SGPL1: variants seen among roughly 807,000 people sequenced by gnomAD.
SGPL1 encodes the protein SP-lyase 1.
A neutral mutation model predicts 68.9 loss-of-function variants in SGPL1; 37 were observed. The ratio of observed to expected loss-of-function variants is 0.54; its 90% CI spans 0.41 to 0.71. The LOEUF is 0.71. SGPL1 is among the 30% of genes least tolerant of loss of function. The pLI is 0.00. For synonymous variants in SGPL1, 236 were observed against 248.5 expected (o/e 0.95, Z 0.47); for missense variants, 551 against 704.6 (o/e 0.78, Z 2.47).
rs1439459214 is a variant in SGPL1 at position 70,879,244 on chromosome 10, G to C, written c.*1909G>C. On this transcript the variant is annotated 3_prime_UTR_variant, in exon 15 of 15. Coordinates refer to ENST00000373202, the MANE Select transcript of SGPL1 (RefSeq NM_003901.4). The stretch of plus-strand genomic sequence containing the variant: ...TCTAGTTTCCCCCACTGGGAATGCT[G>C]GCTGGGAGAGCCATGACTACCAGAC... 6.5e-6 allele frequency: 1 copy of C among 152,778 alleles called. No homozygotes were observed. The highest frequency in any genetic ancestry group is 1.5e-5 in the Non-Finnish European group (1 of 68,132). The allele number at this position is 152,778 out of a possible 1,614,324, so 9.5% of individuals were successfully genotyped here. A position where few individuals can be genotyped will look rare whatever the true frequency, so the allele number is the denominator to read the frequency against.
At chr10:70,839,263 T>C (rs961334197) in intron 2 of SGPL1, among the ~76,000 whole-genome samples, 8 of 151,538 alleles carry the variant, frequency 5.3e-5, no homozygotes, top group African/African-American at 1.9e-4. Context: ...ATTATGAATA[T>C]TCCTACTACT....
chr10:70,854,842 G>A lies in SGPL1; in HGVS notation c.396G>A (p.Glu132=), dbSNP rs1254659330. 1.9e-5 allele frequency: 31 copies of A among 1,610,190 alleles called. No homozygotes were observed. Among genetic ancestry groups the A allele is most frequent in the Non-Finnish European group, 2.4e-5 (28 of 1,178,500 alleles). ...CTGCTGTTTTGGAGAAACTTAAGGA[G>A]TACAGCTCTATGGGTATGATGCTTG... ...SSSAVLEKLK[E]YSSMDAFWQE... is the part of the protein sequence containing the mutation. The change falls in exon 5 of 15, where the codon GAG becomes GAA. Residue 132 remains glutamate (E), a synonymous_variant. Coordinates refer to ENST00000373202, the MANE Select transcript of SGPL1 (RefSeq NM_003901.4).
chr10:70,868,503 G>C, intron 8 of SGPL1, 70 bp downstream of exon 8: 13 of 1,255,346 alleles, frequency 1.0e-5, no homozygotes, highest in Non-Finnish European at 1.5e-5. Context: ...TGAAACTAAA[G>C]CAGATAATCC....
intron 3 of SGPL1, among the ~76,000 whole-genome samples, chr10:70,848,132 C>T (rs758485289): frequency 6.6e-6 from 1 of 152,172 alleles, no homozygotes; most frequent in Non-Finnish European, 1.5e-5. Flanking sequence ...ATGATAAACT[C>T]TCAGTTTCTT....
rs576321505 is a variant in SGPL1, at chr10:70,848,521, G to A, written c.194-2622G>A. On this transcript the variant is annotated intron_variant, in intron 3 of 14. Coordinates refer to ENST00000373202, the MANE Select transcript of SGPL1 (RefSeq NM_003901.4). Reference sequence around the variant, plus strand: ...GCTCTGTCACCCAGGCTGGAGTGCAGTGGCACGATCTCGGCTCACTGCAAC... The same window carrying A: ...GCTCTGTCACCCAGGCTGGAGTGCAATGGCACGATCTCGGCTCACTGCAAC... Among the ~76,000 whole-genome samples the A allele has an allele frequency of 3.8e-5, 5 of 130,504 alleles. No individual in the cohort carries two copies. In the South Asian group the frequency reaches 1.0e-3, roughly 26 times the overall value. The allele number at this position is 130,504 out of a possible 152,430, so 85.6% of individuals were successfully genotyped here.
chr10:70,816,365 G>C (rs1845228061), intron 1 of SGPL1, among the ~76,000 whole-genome samples: 1 of 151,938 alleles, frequency 6.6e-6, no homozygotes, highest in African/African-American at 2.4e-5. Context: ...CGCCTGCCGC[G>C]GGGTAGGCAT....
At chr10:70,862,087 C>T (rs371300788) in intron 7 of SGPL1, among the ~76,000 whole-genome samples, 5 of 152,374 alleles carry the variant, frequency 3.3e-5, no homozygotes, top group South Asian at 2.1e-4. Context: ...CCCGCAGCCC[C>T]GGTGCGGGAT....
At chr10:70,844,245 A>G (rs1845757820) in intron 2 of SGPL1, among the ~76,000 whole-genome samples, 2 of 152,186 alleles carry the variant, frequency 1.3e-5, no homozygotes, top group Non-Finnish European at 2.9e-5. Flanking sequence ...TAGGCACAAG[A>G]TTGAAAATAG....
chr10:70,856,481 T>A (rs1845965429), intron 5 of SGPL1, among the ~76,000 whole-genome samples: 1 of 152,246 alleles, frequency 6.6e-6, no homozygotes, highest in African/African-American at 2.4e-5. Flanking sequence ...TCTTTAATGT[T>A]TAAGTCACTG....
intron 7 of SGPL1, among the ~76,000 whole-genome samples, chr10:70,863,297 T>TTG (rs1564629018): frequency 6.6e-6 from 1 of 150,506 alleles, no homozygotes; most frequent in South Asian, 2.1e-4. Context: ...GTCTTTTTTT[T>TTG]TTTTTTTTTT....
Position 70,857,599 on chromosome 10 carries a change from T to C in SGPL1, c.410-15T>C. 1.2e-6 allele frequency: 2 copies of C among 1,609,036 alleles called. No individual in the cohort carries two copies. The highest frequency in any genetic ancestry group is 1.7e-6 in the Non-Finnish European group (2 of 1,175,780). On this transcript the variant is annotated splice_polypyrimidine_tract_variant and intron_variant, in intron 5 of 14. Transcript: ENST00000373202. ...ATTCTTGCTTACTGACCAGTGACCT[T>C]ACCTTTCTCTGCAGACGCCTTCTGG...
At chr10:70,866,051 G>T in intron 7 of SGPL1, among the ~76,000 whole-genome samples, 1 of 152,174 alleles carries the variant, frequency 6.6e-6, no homozygotes, top group African/African-American at 2.4e-5. Context: ...AAGTGGGAGA[G>T]TAATAGCATT....
Position 70,877,808 on chromosome 10 carries a change from CTT to C in SGPL1, c.*496_*497del, listed in dbSNP as rs1214511097. ...AGGAGGCTTTTTCAGCCTTCTCTCTCTTTTTTTTTTTTTTTTTTTTTTTTGAG... is the reference window on the plus strand; with the variant it reads ...AGGAGGCTTTTTCAGCCTTCTCTCTCTTTTTTTTTTTTTTTTTTTTTTGAG... On this transcript the variant is annotated 3_prime_UTR_variant, in exon 15 of 15. Transcript: ENST00000373202. 4,033 of 64,740 alleles carry C rather than the reference CTT, an allele frequency of 0.062. 68 individuals carry two copies. The highest frequency in any genetic ancestry group is 0.15 in the Admixed American group (779 of 5,042). The allele number at this position is 64,740 out of a possible 1,614,324, so 4.0% of individuals were successfully genotyped here.
intron 2 of SGPL1, among the ~76,000 whole-genome samples, chr10:70,840,911 C>A (rs1369431153): frequency 6.6e-6 from 1 of 152,058 alleles, no homozygotes; most frequent in East Asian, 1.9e-4. Context: ...GTGAATTGTT[C>A]ATAATATCTA....
intron 3 of SGPL1, among the ~76,000 whole-genome samples, chr10:70,849,174 CTGATT>C (rs1845837109): frequency 6.6e-6 from 1 of 152,166 alleles, no homozygotes; most frequent in Non-Finnish European, 1.5e-5. Context: ...GTCCAGTTTG[CTGATT>C]TTTAGACTTC....
chr10:70,835,293 A>C (rs944913492), intron 2 of SGPL1, among the ~76,000 whole-genome samples: 1 of 152,154 alleles, frequency 6.6e-6, no homozygotes. Context: ...TCATATATTA[A>C]AATTATTTGG....
intron 2 of SGPL1, among the ~76,000 whole-genome samples, chr10:70,819,093 G>C (rs1046039868): frequency 6.6e-6 from 1 of 152,224 alleles, no homozygotes; most frequent in African/African-American, 2.4e-5. Context: ...CCCATGCACA[G>C]AGATATGGTT....
At chr10:70,844,376 C>A (rs746876099) in intron 2 of SGPL1, 97 bp from the exon 3 acceptor site, 4 of 1,069,758 alleles carry the variant, frequency 3.7e-6, no homozygotes, top group Admixed American at 4.7e-5. Context: ...TCCGGAATGA[C>A]CTTGCCCTTG....
chr10:70,870,450 G>A (rs1846270459), intron 9 of SGPL1, among the ~76,000 whole-genome samples: 1 of 151,272 alleles, frequency 6.6e-6, no homozygotes, highest in African/African-American at 2.4e-5. Flanking sequence ...TGATGCTGCA[G>A]TGAGCTGTGT....
Sources: allele counts gnomAD v4.1 joint callset (sites outside exome capture counted in the v4.1 genomes callset), GRCh38; gene constraint gnomAD v4.1.1; transcripts MANE v1.5; gene names NCBI Gene and HGNC (gene_info 2026-07-23, HGNC 2026-07-21).